Variants in GALNT2 observed in about 807,000 individuals in gnomAD.
The protein encoded by GALNT2 is UDP-GalNAc:polypeptide N-acetylgalactosaminyltransferase 2.
In GALNT2, 31 loss-of-function variants were observed where a neutral mutation model predicts 81.4. That is an observed-to-expected ratio of 0.38 (90% CI 0.29 to 0.51). The LOEUF (loss-of-function observed/expected upper bound fraction) is 0.51. GALNT2 is among the 20% of genes least tolerant of loss of function. The pLI is 0.87. For missense variants in GALNT2, 629 were observed against 765.7 expected, an observed-to-expected ratio of 0.82 and a Z score of 2.11; for synonymous variants, 303 against 287.4, an observed-to-expected ratio of 1.05 and a Z score of -0.55.
At chr1:230,155,752 G>T (rs1662230718) in intron 1 of GALNT2, among the ~76,000 whole-genome samples, 1 of 152,180 alleles carries the variant, frequency 6.6e-6, no homozygotes, top group African/African-American at 2.4e-5. Context: ...ATCACAAATG[G>T]CCCATCCTGA....
At chr1:230,163,476 T>C (rs4846917) in intron 1 of GALNT2, among the ~76,000 whole-genome samples, 96,137 of 152,160 alleles carry the variant, frequency 0.63, 33,761 homozygotes, top group Non-Finnish European at 0.79. Flanking sequence ...CTCAGGCGGT[T>C]GTGTGGCTCT....
At chr1:230,177,099 A>G (rs939039746) in intron 1 of GALNT2, among the ~76,000 whole-genome samples, 1 of 152,260 alleles carries the variant, frequency 6.6e-6, no homozygotes, top group Non-Finnish European at 1.5e-5. Context: ...GCACCTCTTG[A>G]GTAAAAATGC....
At chr1:230,127,848 G>A (rs1028248247) in intron 1 of GALNT2, among the ~76,000 whole-genome samples, 13 of 152,102 alleles carry the variant, frequency 8.5e-5, no homozygotes, top group Non-Finnish European at 1.2e-4. Context: ...TCATTACCAC[G>A]GTATTGCTGA....
intron 1 of GALNT2, among the ~76,000 whole-genome samples, chr1:230,095,839 C>G (rs535052477): frequency 6.6e-6 from 1 of 152,196 alleles, no homozygotes; most frequent in Non-Finnish European, 1.5e-5. Flanking sequence ...AGAAAGAAAC[C>G]GTGTGGGGTT....
intron 1 of GALNT2, among the ~76,000 whole-genome samples, chr1:230,107,644 G>GTGTGTGTGTGT (rs1553256987): frequency 2.2e-4 from 33 of 147,786 alleles, no homozygotes; most frequent in Middle Eastern, 3.5e-3. Flanking sequence ...GTGTGTGTGT[G>GTGTGTGTGTGT]GTTGGTTGGT....
chr1:230,262,695 A>T, intron 12 of GALNT2, 30 bp downstream of exon 12: 16 of 1,212,854 alleles, frequency 1.3e-5, no homozygotes, highest in Admixed American at 1.8e-5. Context: ...TCTCACAATT[A>T]CTGGGGATTC....
intron 2 of GALNT2, among the ~76,000 whole-genome samples, chr1:230,181,523 T>C (rs1663160293): frequency 6.6e-6 from 1 of 152,140 alleles, no homozygotes; most frequent in Non-Finnish European, 1.5e-5. Flanking sequence ...CTGCATATGG[T>C]CATATGAGAG....
Position 230,149,101 on chromosome 1 carries a change from G to A in GALNT2, c.127-29117G>A, listed in dbSNP as rs61826565. 7.8e-3 allele frequency among the ~76,000 whole-genome samples: 1,193 copies of A among 151,994 alleles called. 12 individuals are homozygous for A. The highest frequency in any genetic ancestry group is 0.045 in the Middle Eastern group (13 of 292). On this transcript the variant is annotated intron_variant, in intron 1 of 15. Coordinates refer to ENST00000366672, the MANE Select transcript of GALNT2 (RefSeq NM_004481.5). Reference sequence around the variant, plus strand: ...TCTCCATATTGCCCAGGCTGGTCTCGAACTCCTGGGCTCAGGCAGTCCACC... The same window carrying A: ...TCTCCATATTGCCCAGGCTGGTCTCAAACTCCTGGGCTCAGGCAGTCCACC...
chr1:230,274,848 C>A (rs1440521205), intron 15 of GALNT2, among the ~76,000 whole-genome samples: 1 of 151,964 alleles, frequency 6.6e-6, no homozygotes, highest in African/African-American at 2.4e-5. Context: ...TTTTCTATTT[C>A]AATTTACAAA....
At chr1:230,252,417 A>G (rs1665572628) in intron 10 of GALNT2, among the ~76,000 whole-genome samples, 1 of 152,032 alleles carries the variant, frequency 6.6e-6, no homozygotes, top group Non-Finnish European at 1.5e-5. Flanking sequence ...AACTCTAACA[A>G]TGGGGGTAAG....
chr1:230,261,959 C>G (rs1013131572), intron 11 of GALNT2: 3 of 151,592 alleles, frequency 2.0e-5, no homozygotes, highest in Non-Finnish European at 4.4e-5. Flanking sequence ...TTCAGTGAGC[C>G]GAGATCTCGC....
At chr1:230,142,482 CTT>C (rs1350263949) in intron 1 of GALNT2, among the ~76,000 whole-genome samples, 6 of 152,314 alleles carry the variant, frequency 3.9e-5, no homozygotes, top group Non-Finnish European at 8.8e-5. Context: ...GGGCAAGTAA[CTT>C]AACCTCTGTG....
In GALNT2 at chr1:230,275,737, A is replaced by G. The variant is rs1666284023; in HGVS notation, c.1560+1173A>G. 1.3e-5 allele frequency among the ~76,000 whole-genome samples: 2 copies of G among 150,338 alleles called. No individual in the cohort carries two copies. Among genetic ancestry groups the G allele is most frequent in the South Asian group, 4.2e-4 (2 of 4,778 alleles). ...ACATATACACACCACATATATATAT[A>G]CAAACACCACATATATATACATATA... On this transcript the variant is annotated intron_variant, in intron 15 of 15. Transcript: ENST00000366672. The surrounding 1 kb of genome is among the most constrained non-coding windows in gnomAD (Gnocchi z 5.5).
At chr1:230,239,296 T>G (rs189823965) in intron 6 of GALNT2, among the ~76,000 whole-genome samples, 3 of 152,208 alleles carry the variant, frequency 2.0e-5, no homozygotes, top group Admixed American at 2.0e-4. Flanking sequence ...ATAGGATAGA[T>G]GTATATATAA....
At chr1:230,069,814 A>G (rs1450745222) in intron 1 of GALNT2, among the ~76,000 whole-genome samples, 1 of 152,098 alleles carries the variant, frequency 6.6e-6, no homozygotes, top group Admixed American at 6.5e-5. Context: ...TTTAGAGATA[A>G]GTGGACCTAT....
At chr1:230,090,418 C>T (rs896167933) in intron 1 of GALNT2, among the ~76,000 whole-genome samples, 4 of 152,162 alleles carry the variant, frequency 2.6e-5, no homozygotes, top group Admixed American at 2.6e-4. Context: ...GCTGCCCCTC[C>T]ACAGCCTCTG....
At chr1:230,128,130 G>T (rs1249717511) in intron 1 of GALNT2, among the ~76,000 whole-genome samples, 1 of 152,184 alleles carries the variant, frequency 6.6e-6, no homozygotes, top group Non-Finnish European at 1.5e-5. Context: ...GGCCAGGGAT[G>T]GTCAGGCCCC....
At chr1:230,118,729 G>T (rs1660924432) in intron 1 of GALNT2, among the ~76,000 whole-genome samples, 1 of 145,752 alleles carries the variant, frequency 6.9e-6, no homozygotes, top group African/African-American at 2.5e-5. Context: ...TGTCTCGGTG[G>T]GAGCATCGTC....
intron 1 of GALNT2, among the ~76,000 whole-genome samples, chr1:230,155,546 G>C (rs1286476613): frequency 6.6e-6 from 1 of 152,170 alleles, no homozygotes; most frequent in Non-Finnish European, 1.5e-5. Flanking sequence ...GATCAGGAAT[G>C]ACTGAATCAG....
Sources: gnomAD v4.1 joint callset for allele counts (sites outside exome capture counted in the v4.1 genomes callset) on GRCh38, gnomAD v4.1.1 for gene constraint, Gnocchi (gnomAD v3.1) non-coding constraint, MANE v1.5 for transcripts, NCBI Gene and HGNC (gene_info 2026-07-23, HGNC 2026-07-21) for gene names.